Variants in LRFN5 observed in about 807,000 individuals in gnomAD.
The protein encoded by LRFN5 is leucine-rich repeat and fibronectin type-III domain-containing protein 5.
In LRFN5, 24 loss-of-function variants were observed where a neutral mutation model predicts 45.6. The ratio of observed to expected loss-of-function variants is 0.53; its 90% CI spans 0.38 to 0.74. LRFN5 has a LOEUF of 0.74. Ranked by LOEUF, LRFN5 falls within the 30% of genes least tolerant of loss-of-function variation. LRFN5 has a pLI of 0.00. For synonymous variants in LRFN5, 340 were observed against 313.8 expected (o/e 1.08, Z -0.88); for missense variants, 776 against 861.5 (o/e 0.90, Z 1.24).
chr14:41,610,660 G>GAAAAAAAAAAAAA (rs1566586963), intron 1 of LRFN5, among the ~76,000 whole-genome samples: 1 of 10,512 alleles, frequency 9.5e-5, no homozygotes, highest in African/African-American at 5.7e-4. Context: ...CCCAGGGAAG[G>GAAAAAAAAAAAAA]TAAAAAAAAA....
intron 2 of LRFN5, among the ~76,000 whole-genome samples, chr14:41,869,282 C>T (rs1317893730): frequency 6.6e-6 from 1 of 152,144 alleles, no homozygotes; most frequent in East Asian, 1.9e-4. Context: ...CTGTACAACA[C>T]CACAGGTCTG....
intron 1 of LRFN5, among the ~76,000 whole-genome samples, chr14:41,610,848 T>C (rs545990817): frequency 3.8e-4 from 58 of 152,090 alleles, no homozygotes; most frequent in Middle Eastern, 3.4e-3. Context: ...ATCTGATTTG[T>C]GTATTCTAAA....
At chr14:41,836,204 T>C (rs188839521) in intron 2 of LRFN5, among the ~76,000 whole-genome samples, 1 of 152,222 alleles carries the variant, frequency 6.6e-6, no homozygotes, top group Admixed American at 6.5e-5. Context: ...AAGTGTAAAT[T>C]GTCACGCTTC....
chr14:41,810,931 G>GTT lies in LRFN5; in HGVS notation c.-21+43908_-21+43909dup, dbSNP rs5808155. On this transcript the variant is annotated intron_variant, in intron 2 of 5. Coordinates refer to ENST00000298119, the MANE Select transcript of LRFN5 (RefSeq NM_152447.5). ...TTGATGACAAGACTTGATGGTTGTG[G>GTT]TTTTTTTATGAAAATAAAAATGATA... Among the ~76,000 whole-genome samples, 631 of 151,742 alleles carry GTT rather than the reference G, an allele frequency of 4.2e-3. 7 individuals carry two copies. The highest frequency in any genetic ancestry group is 0.014 in the African/African-American group (597 of 41,402).
chr14:41,748,183 A>G (rs1169211390), intron 1 of LRFN5, among the ~76,000 whole-genome samples: 8 of 152,092 alleles, frequency 5.3e-5, no homozygotes, highest in Admixed American at 4.6e-4. Context: ...TAGAAGTGGA[A>G]AGAATAGAAA....
chr14:41,831,259 T>A (rs558970134), intron 2 of LRFN5, among the ~76,000 whole-genome samples: 1 of 152,324 alleles, frequency 6.6e-6, no homozygotes, highest in Admixed American at 6.5e-5. Context: ...CCATTCTTCT[T>A]TGATAGCTTG....
At chr14:41,701,596 T>C (rs1882843677) in intron 1 of LRFN5, 2 of 152,208 alleles carry the variant, frequency 1.3e-5, no homozygotes, top group African/African-American at 2.4e-5. Context: ...CCTGTCCCTG[T>C]CCTACCTGCA....
chr14:41,631,521 A>G (rs1306778792), intron 1 of LRFN5, among the ~76,000 whole-genome samples: 2 of 152,164 alleles, frequency 1.3e-5, no homozygotes, highest in Non-Finnish European at 2.9e-5. Context: ...GAGGAAACAT[A>G]TAAATAAAAA....
Position 41,758,094 on chromosome 14 carries a change from T to TA in LRFN5, c.-196-8759dup, listed in dbSNP as rs547287509. Among the ~76,000 whole-genome samples, 5 of 152,308 alleles carry TA rather than the reference T, an allele frequency of 3.3e-5. No individual in the cohort carries two copies. The East Asian group carries it at 9.7e-4, about 29-fold the overall frequency. On this transcript the variant is annotated intron_variant, in intron 1 of 5. Coordinates refer to ENST00000298119, the MANE Select transcript of LRFN5 (RefSeq NM_152447.5). ...ATGGCCTTTGAAGGTGTCTTCTCTT[T>TA]ATCATATCTCTTTCTCAAGCTAAAA...
intron 1 of LRFN5, among the ~76,000 whole-genome samples, chr14:41,739,804 AAACCATTAGCTAGACT>A (rs1340553469): frequency 6.6e-6 from 1 of 151,982 alleles, no homozygotes; most frequent in Admixed American, 6.6e-5. Context: ...TAAAATTGAC[AAACCATTAGCTAGACT>A]AACAAGGACA....
chr14:41,662,228 G>T (rs1265893617), intron 1 of LRFN5, among the ~76,000 whole-genome samples: 1 of 152,020 alleles, frequency 6.6e-6, no homozygotes, highest in African/African-American at 2.4e-5. Flanking sequence ...GAGCTGAGAC[G>T]TCTCCTTCAC....
At position 41,671,980 on chromosome 14, in the gene LRFN5, T is replaced by A. The variant is rs1566613373; in HGVS notation, c.-197+63418T>A. ...AACCTATTTACTAAGCATCTAACCA[T>A]GTTCAAGGTCTAACCATGCTTATTT... On this transcript the variant is annotated intron_variant, in intron 1 of 5. Transcript: ENST00000298119. Among the ~76,000 whole-genome samples the A allele has an allele frequency of 2.6e-5, 4 of 152,216 alleles. No homozygotes were observed. The East Asian group carries it at 5.8e-4, about 22-fold the overall frequency.
intron 2 of LRFN5, among the ~76,000 whole-genome samples, chr14:41,792,164 T>TA (rs1475151951): frequency 6.6e-6 from 1 of 152,034 alleles, no homozygotes; most frequent in East Asian, 1.9e-4. Context: ...AGCAAGTTTT[T>TA]ATTAAGGGTT....
At chr14:41,865,608 G>A (rs1178383987) in intron 2 of LRFN5, among the ~76,000 whole-genome samples, 2 of 151,988 alleles carry the variant, frequency 1.3e-5, no homozygotes, top group East Asian at 3.9e-4. Flanking sequence ...AAGTCATATG[G>A]TAACCATATA....
chr14:41,762,911 AGG>A (rs959773431), intron 1 of LRFN5, among the ~76,000 whole-genome samples: 5 of 152,180 alleles, frequency 3.3e-5, no homozygotes, highest in Non-Finnish European at 7.4e-5. Context: ...CTAAAAATAA[AGG>A]TAGAACAACT....
chr14:41,721,226 A>G (rs772375401), intron 1 of LRFN5, among the ~76,000 whole-genome samples: 2 of 152,098 alleles, frequency 1.3e-5, no homozygotes, highest in Admixed American at 6.5e-5. Flanking sequence ...TGAGTGACAG[A>G]TCTTTCTCCA....
At chr14:41,699,278 C>G (rs1882742217) in intron 1 of LRFN5, 1 of 151,952 alleles carries the variant, frequency 6.6e-6, no homozygotes. Context: ...TTCTGTGGGT[C>G]CACACTTACC....
intron 2 of LRFN5, among the ~76,000 whole-genome samples, chr14:41,872,955 A>C (rs1890067689): frequency 6.6e-6 from 1 of 152,190 alleles, no homozygotes; most frequent in Admixed American, 6.5e-5. Context: ...TTTTTCACTA[A>C]ACTTTTGTCT....
intron 1 of LRFN5, among the ~76,000 whole-genome samples, chr14:41,746,673 A>C (rs1291897985): frequency 6.6e-6 from 1 of 152,026 alleles, no homozygotes; most frequent in Non-Finnish European, 1.5e-5. Context: ...TTAAAAAAGC[A>C]AAAATACATT....
Sources: allele counts gnomAD v4.1 joint callset (sites outside exome capture counted in the v4.1 genomes callset), GRCh38; gene constraint gnomAD v4.1.1; transcripts MANE v1.5; gene names NCBI Gene and HGNC (gene_info 2026-07-23, HGNC 2026-07-21).